The following TENM3 variants were observed in gnomAD, a reference collection of about 807,000 sequenced individuals.
TENM3 encodes teneurin-3.
In TENM3, 63 loss-of-function variants were observed where a neutral mutation model predicts 255.1. The ratio of observed to expected loss-of-function variants is 0.25; its 90% confidence interval spans 0.20 to 0.30. The LOEUF is 0.30. TENM3 is among the 10% of genes least tolerant of loss of function. The pLI is 1.00. For missense variants in TENM3, 2,929 were observed against 3,461.1 expected (o/e 0.85, Z 3.86); for synonymous variants, 1,306 against 1,322.3 (o/e 0.99, Z 0.27).
the TENM3 span, among the ~76,000 whole-genome samples, chr4:181,449,599 T>C: frequency 0.59 from 89,494 of 151,776 alleles, 26,501 homozygotes; most frequent in Middle Eastern, 0.65. Context: ...GCCTGGCCAA[T>C]GTAGTGAAAC....
intron 3 of TENM3, among the ~76,000 whole-genome samples, chr4:182,394,629 A>C (rs752659573): frequency 6.6e-6 from 1 of 152,188 alleles, no homozygotes; most frequent in African/African-American, 2.4e-5. Flanking sequence ...TTTATTTTCC[A>C]TAGACACTGA....
chr4:182,212,880 A>G (rs1755149843), intron 1 of TENM3, among the ~76,000 whole-genome samples: 2 of 152,226 alleles, frequency 1.3e-5, no homozygotes, highest in South Asian at 4.1e-4. Flanking sequence ...GGTACAACGC[A>G]AGGCAGACAA....
chr4:182,575,713 T>C (rs1005343698), intron 3 of TENM3, among the ~76,000 whole-genome samples: 2 of 152,228 alleles, frequency 1.3e-5, no homozygotes, highest in Non-Finnish European at 2.9e-5. Flanking sequence ...AGCACCACTT[T>C]GGTATCATGC....
At chr4:182,501,641 C>T (rs1736336722) in intron 3 of TENM3, among the ~76,000 whole-genome samples, 1 of 152,232 alleles carries the variant, frequency 6.6e-6, no homozygotes, top group Non-Finnish European at 1.5e-5. Flanking sequence ...TTGATAGTTA[C>T]ATCCATTTTA....
chr4:182,797,717 G>C (rs1178137763), intron 27 of TENM3, among the ~76,000 whole-genome samples: 1 of 152,120 alleles, frequency 6.6e-6, no homozygotes, highest in East Asian at 1.9e-4. Context: ...CTTACAGTAA[G>C]AATAATTAGA....
At chr4:182,601,625 C>T (rs1236694865) in intron 4 of TENM3, among the ~76,000 whole-genome samples, 1 of 152,100 alleles carries the variant, frequency 6.6e-6, no homozygotes, top group African/African-American at 2.4e-5. Flanking sequence ...CACTTAAGCA[C>T]AAATCAGATG....
chr4:182,335,323 G>A (rs1361507122), intron 2 of TENM3, among the ~76,000 whole-genome samples: 4 of 62,146 alleles, frequency 6.4e-5, no homozygotes, highest in Non-Finnish European at 1.1e-4. Context: ...GTGAAACCCC[G>A]TCTCTACTAA....
chr4:181,740,109 A>C, the TENM3 span, among the ~76,000 whole-genome samples: 1 of 152,198 alleles, frequency 6.6e-6, no homozygotes, highest in Non-Finnish European at 1.5e-5. Flanking sequence ...TTCATCCTGA[A>C]TGAAATCCAC....
intron 2 of TENM3, among the ~76,000 whole-genome samples, chr4:182,338,694 A>G (rs1367297547): frequency 1.3e-5 from 2 of 152,200 alleles, no homozygotes; most frequent in Admixed American, 1.3e-4. Context: ...GATTAAAATA[A>G]TAATGTCTCT....
In TENM3 at chr4:182,688,341, C is replaced by T; in HGVS notation, c.2211C>T (p.His737=). ...GCAGCCAGGGCTGGAATGGAGAGCA[C>T]TGCACTATCGGTAGGCTTACTGCAA... is the stretch of plus-strand genomic sequence containing the variant. ...CECSQGWNGE[H]CTIEGCPGLC... Residue 737 remains histidine (H), a synonymous_variant, in exon 12 of 28, where the codon CAC becomes CAT. Coordinates refer to ENST00000511685, the MANE Select transcript of TENM3 (RefSeq NM_001080477.4). 6.2e-7 allele frequency: 1 copy of T among 1,609,538 alleles called. No individual in the cohort carries two copies. The highest frequency in any genetic ancestry group is 8.5e-7 in the Non-Finnish European group (1 of 1,177,416).
chr4:182,022,520 A>G, the TENM3 span, among the ~76,000 whole-genome samples: 1 of 145,510 alleles, frequency 6.9e-6, no homozygotes, highest in Non-Finnish European at 1.5e-5. Context: ...CTGCACATGT[A>G]TCCCCTGAAT....
intron 3 of TENM3, among the ~76,000 whole-genome samples, chr4:182,385,262 CTTTTTTT>C (rs397762118): frequency 8.9e-6 from 1 of 112,102 alleles, no homozygotes; most frequent in Non-Finnish European, 1.7e-5. Flanking sequence ...TATTGTGCGT[CTTTTTTT>C]TTTTTTTTTT....
intron 3 of TENM3, among the ~76,000 whole-genome samples, chr4:182,406,302 C>CA (rs1033231257): frequency 9.4e-5 from 14 of 149,518 alleles, no homozygotes; most frequent in East Asian, 3.9e-4. Flanking sequence ...GAGACTCCAT[C>CA]AAAAAAAATA....
At chr4:181,728,281 A>C in the TENM3 span, among the ~76,000 whole-genome samples, 1 of 152,214 alleles carries the variant, frequency 6.6e-6, no homozygotes, top group Non-Finnish European at 1.5e-5. Context: ...GGGTTCTAGG[A>C]TCTCGCACAA....
intron 1 of TENM3, among the ~76,000 whole-genome samples, chr4:182,153,751 TAAC>T (rs891887836): frequency 3.9e-5 from 6 of 152,258 alleles, no homozygotes; most frequent in Middle Eastern, 6.8e-3. Context: ...ATGGGAATCT[TAAC>T]ATATCAAGTT....
chr4:182,287,303 A>G (rs1760791977), intron 1 of TENM3, among the ~76,000 whole-genome samples: 1 of 152,226 alleles, frequency 6.6e-6, no homozygotes, highest in African/African-American at 2.4e-5. Flanking sequence ...CTCTGTCTCC[A>G]TCACACTCCA....
the TENM3 span, among the ~76,000 whole-genome samples, chr4:181,573,359 G>T: frequency 6.6e-6 from 1 of 151,942 alleles, no homozygotes; most frequent in Non-Finnish European, 1.5e-5. Context: ...TTCCCACCAA[G>T]AGTGTACACA....
the TENM3 span, among the ~76,000 whole-genome samples, chr4:182,034,038 G>A: frequency 2.6e-5 from 4 of 152,262 alleles, no homozygotes; most frequent in Non-Finnish European, 4.4e-5. Context: ...ACAGTTCCAC[G>A]TGGCTGGGGA....
the TENM3 span, among the ~76,000 whole-genome samples, chr4:181,507,705 T>C: frequency 6.6e-6 from 1 of 152,222 alleles, no homozygotes; most frequent in African/African-American, 2.4e-5. Context: ...GGTTCTTGAA[T>C]AGCGGTGAAA....
Sources: gnomAD v4.1 joint callset for allele counts (sites outside exome capture counted in the v4.1 genomes callset) on GRCh38, gnomAD v4.1.1 for gene constraint, MANE v1.5 for transcripts, NCBI Gene and HGNC (gene_info 2026-07-23, HGNC 2026-07-21) for gene names.